SLC35H1: variants seen among roughly 807,000 people sequenced by gnomAD.
The protein encoded by SLC35H1 is ovarian cancer-overexpressed gene 1 protein.
the SLC35H1 span, chr20:46,357,715 G>C: frequency 1.9e-6 from 3 of 1,614,062 alleles, no homozygotes; most frequent in African/African-American, 4.0e-5. Context: ...GGACAGGGCG[G>C]AGAAGAGGAA....
chr20:46,351,191 G>A, the SLC35H1 span, among the ~76,000 whole-genome samples: 1 of 152,242 alleles, frequency 6.6e-6, no homozygotes, highest in East Asian at 1.9e-4. Flanking sequence ...TTATCCACAA[G>A]GATAAAGGAC....
the SLC35H1 span, among the ~76,000 whole-genome samples, chr20:46,354,525 G>C: frequency 2.0e-5 from 3 of 152,116 alleles, no homozygotes; most frequent in African/African-American, 7.2e-5. Context: ...TGGGACCTTG[G>C]GCAAGTTATC....
the SLC35H1 span, among the ~76,000 whole-genome samples, chr20:46,361,824 C>A: frequency 1.4e-4 from 22 of 152,220 alleles, no homozygotes; most frequent in Non-Finnish European, 3.1e-4. Flanking sequence ...ACAGAGCTTT[C>A]TTCTGAGCAC....
chr20:46,364,405 A>G, the SLC35H1 span: 1 of 151,892 alleles, frequency 6.6e-6, no homozygotes, highest in Non-Finnish European at 1.5e-5. Context: ...GAATCTCCCC[A>G]CCGGAAGTGC....
At chr20:46,348,664 G>A in the SLC35H1 span, 3 of 152,208 alleles carry the variant, frequency 2.0e-5, no homozygotes, top group African/African-American at 4.8e-5. Context: ...TCCTGAGCAC[G>A]GAGGCTCTGA....
At chr20:46,351,912 G>C in the SLC35H1 span, 1 of 879,764 alleles carries the variant, frequency 1.1e-6, no homozygotes, top group Non-Finnish European at 1.7e-6. Context: ...ACTCAGCAAA[G>C]TGCCTGGCAC....
chr20:46,355,249 G>A, the SLC35H1 span: 1 of 1,610,822 alleles, frequency 6.2e-7, no homozygotes, highest in South Asian at 1.1e-5. The surrounding 1 kb of genome is among the most constrained non-coding windows in gnomAD (Gnocchi z 4.8). Flanking sequence ...GCGCTGGTAG[G>A]ATGGGGAGCA....
the SLC35H1 span, among the ~76,000 whole-genome samples, chr20:46,356,979 C>A: frequency 1.4e-5 from 2 of 146,558 alleles, no homozygotes; most frequent in African/African-American, 4.9e-5. Context: ...AACTCCTCCA[C>A]GGGGAATCCG....
chr20:46,356,522 A>T, the SLC35H1 span: 1 of 1,593,862 alleles, frequency 6.3e-7, no homozygotes, highest in Admixed American at 1.7e-5. Flanking sequence ...CCCGCTGGAC[A>T]GACAGACAGC....
the SLC35H1 span, chr20:46,358,900 C>G: frequency 3.0e-6 from 2 of 659,512 alleles, no homozygotes; most frequent in Middle Eastern, 4.0e-4. Flanking sequence ...CAGAGACCCA[C>G]GTCGTGTCTG....
the SLC35H1 span, chr20:46,346,663 C>T: frequency 1.4e-4 from 21 of 152,234 alleles, no homozygotes; most frequent in African/African-American, 5.1e-4. Context: ...AAGCCATGAA[C>T]CTCTCACCCC....
At chr20:46,362,836 G>A in the SLC35H1 span, among the ~76,000 whole-genome samples, 56 of 152,296 alleles carry the variant, frequency 3.7e-4, no homozygotes, top group South Asian at 1.7e-3. Context: ...GCGTGATCTC[G>A]GCTCACCGCA....
chr20:46,354,117 C>T, the SLC35H1 span, among the ~76,000 whole-genome samples: 11 of 152,240 alleles, frequency 7.2e-5, no homozygotes, highest in South Asian at 1.0e-3. Flanking sequence ...CCAGGGCTCT[C>T]CTCATCCCTG....
At chr20:46,355,163 C>T in the SLC35H1 span, 6 of 1,614,126 alleles carry the variant, frequency 3.7e-6, no homozygotes, top group African/African-American at 2.7e-5. The surrounding 1 kb of genome is among the most constrained non-coding windows in gnomAD (Gnocchi z 4.8). Flanking sequence ...AAGCCCTCCA[C>T]GTTGAACTGT....
chr20:46,350,591 T>C, the SLC35H1 span: 5 of 1,537,418 alleles, frequency 3.3e-6, no homozygotes, highest in Non-Finnish European at 4.4e-6. Context: ...CTGATTTGCA[T>C]GTGTGCTGAG....
At chr20:46,364,382 G>C in the SLC35H1 span, 1 of 152,282 alleles carries the variant, frequency 6.6e-6, no homozygotes, top group African/African-American at 2.4e-5. Context: ...TCGGCCCTGG[G>C]AGCTCCAGGC....
chr20:46,355,056 G>A, the SLC35H1 span: 1 of 1,613,854 alleles, frequency 6.2e-7, no homozygotes, highest in South Asian at 1.1e-5. The surrounding 1 kb of genome is among the most constrained non-coding windows in gnomAD (Gnocchi z 4.8). Flanking sequence ...TCTGGAGGAT[G>A]AGTGGCACGT....
the SLC35H1 span, chr20:46,348,742 G>C: frequency 6.6e-6 from 1 of 152,216 alleles, no homozygotes; most frequent in African/African-American, 2.4e-5. Context: ...AGTTGGACTC[G>C]AGAATTCTTG....
At chr20:46,350,692 A>T in the SLC35H1 span, 2 of 1,573,314 alleles carry the variant, frequency 1.3e-6, no homozygotes, top group Non-Finnish European at 1.7e-6. Context: ...CACTTCCTGC[A>T]TCAGAATCAC....
Sources: allele counts gnomAD v4.1 joint callset (sites outside exome capture counted in the v4.1 genomes callset), GRCh38; gene constraint gnomAD v4.1.1; non-coding constraint Gnocchi (gnomAD v3.1); transcripts MANE v1.5; gene names NCBI Gene and HGNC (gene_info 2026-07-23, HGNC 2026-07-21).